Variants in PRDM15 observed in about 807,000 individuals in gnomAD.
PRDM15 encodes PR domain zinc finger protein 15.
Under a neutral mutation model 128.6 loss-of-function variants are expected in PRDM15, and 64 were observed. That is an observed-to-expected ratio of 0.50 (90% CI 0.41 to 0.61). The LOEUF (loss-of-function observed/expected upper bound fraction) is 0.61, where lower values mean the gene tolerates loss of function less well. Ranked by LOEUF, PRDM15 falls within the 20% of genes least tolerant of loss-of-function variation. The probability of loss-of-function intolerance (pLI) is 0.00; values close to 1 mark genes in which losing one functional copy is unlikely to be tolerated. For missense variants in PRDM15, 1,242 were observed against 1,569.1 expected, an observed-to-expected ratio of 0.79 and a Z score of 3.52; for synonymous variants, 615 against 621.8, an observed-to-expected ratio of 0.99 and a Z score of 0.16.
At chr21:41,873,210 C>T (rs1385537434) in intron 1 of PRDM15, among the ~76,000 whole-genome samples, 9 of 152,186 alleles carry the variant, frequency 5.9e-5, no homozygotes, top group African/African-American at 2.2e-4. Context: ...TCCTGAGCCT[C>T]GTTGCTCCCC....
At chr21:41,861,161 G>T (rs887086638) in intron 1 of PRDM15, among the ~76,000 whole-genome samples, 1 of 152,172 alleles carries the variant, frequency 6.6e-6, no homozygotes, top group African/African-American at 2.4e-5. Flanking sequence ...AAAGCCGGTT[G>T]TCACTTTTTT....
intron 1 of PRDM15, among the ~76,000 whole-genome samples, chr21:41,876,510 C>A: frequency 6.6e-6 from 1 of 152,188 alleles, no homozygotes; most frequent in Admixed American, 6.5e-5. Flanking sequence ...CCCGCAGCTG[C>A]TGCAGACCTG....
At chr21:41,804,668 G>A (rs1443564038) in intron 21 of PRDM15, 54 bp from the exon 22 acceptor site, 4 of 1,424,358 alleles carry the variant, frequency 2.8e-6, no homozygotes, top group African/African-American at 2.9e-5. Flanking sequence ...GATGCAGGTG[G>A]GAACCCAGAA....
At chr21:41,845,715 C>T (rs1311107709) in intron 6 of PRDM15, among the ~76,000 whole-genome samples, 1 of 152,082 alleles carries the variant, frequency 6.6e-6, no homozygotes, top group Admixed American at 6.5e-5. Context: ...AAGGGGAGCC[C>T]GAGTACCACG....
At chr21:41,848,136 C>A (rs1365551910) in intron 5 of PRDM15, among the ~76,000 whole-genome samples, 1 of 152,192 alleles carries the variant, frequency 6.6e-6, no homozygotes, top group Non-Finnish European at 1.5e-5. Flanking sequence ...ACGGCAAACT[C>A]CAGGGGCCAC....
At chr21:41,876,916 G>A (rs2064438700) in intron 1 of PRDM15, among the ~76,000 whole-genome samples, 1 of 152,088 alleles carries the variant, frequency 6.6e-6, no homozygotes, top group South Asian at 2.1e-4. Flanking sequence ...CCCACACACA[G>A]CCAAAAGATG....
chr21:41,866,828 G>T (rs1466658018), intron 1 of PRDM15, among the ~76,000 whole-genome samples: 1 of 152,156 alleles, frequency 6.6e-6, no homozygotes, highest in Non-Finnish European at 1.5e-5. Context: ...CTGCACAGGG[G>T]AAGCCAGAGA....
intron 4 of PRDM15, among the ~76,000 whole-genome samples, chr21:41,856,351 T>G (rs1009516064): frequency 1.3e-5 from 2 of 148,588 alleles, no homozygotes; most frequent in African/African-American, 2.5e-5. Flanking sequence ...CCCCCCTTTT[T>G]GCTGAAATCT....
intron 6 of PRDM15, among the ~76,000 whole-genome samples, chr21:41,846,835 C>T (rs979339013): frequency 1.1e-4 from 17 of 152,196 alleles, no homozygotes; most frequent in Admixed American, 9.2e-4. Flanking sequence ...AGAGTCAAGG[C>T]GCCCAGCTGA....
chr21:41,820,774 T>C (rs2062231334), intron 16 of PRDM15, among the ~76,000 whole-genome samples: 1 of 152,220 alleles, frequency 6.6e-6, no homozygotes, highest in South Asian at 2.1e-4. Flanking sequence ...ATCTAATTGT[T>C]GCAGGAAAAA....
At chr21:41,808,294 A>G (rs1447027052) in intron 21 of PRDM15, among the ~76,000 whole-genome samples, 2 of 152,164 alleles carry the variant, frequency 1.3e-5, no homozygotes, top group African/African-American at 4.8e-5. Context: ...CCACTACATG[A>G]GAAGGGAGGC....
chr21:41,801,102 C>G lies in PRDM15; in HGVS notation c.*138G>C. 3 of 1,253,516 alleles carry G rather than the reference C, an allele frequency of 2.4e-6. No homozygotes were observed. Among genetic ancestry groups the G allele is most frequent in the South Asian group, 1.6e-5 (1 of 62,998 alleles). The allele number at this position is 1,253,516 out of a possible 1,614,324, so 77.6% of individuals were successfully genotyped here. A position where few individuals can be genotyped will look rare whatever the true frequency, so the allele number is the denominator to read the frequency against. Reference sequence around the variant, plus strand: ...ACCGTAATGGTTGCTGGCGGGGGATCTGGAGATACTCTGCAAAGCTAAGTC... The same window carrying G: ...ACCGTAATGGTTGCTGGCGGGGGATGTGGAGATACTCTGCAAAGCTAAGTC... On this transcript the variant is annotated 3_prime_UTR_variant, in exon 24 of 24. Transcript: ENST00000398548.
intron 21 of PRDM15, among the ~76,000 whole-genome samples, chr21:41,807,274 G>A (rs1327660580): frequency 1.3e-5 from 2 of 152,336 alleles, no homozygotes; most frequent in Non-Finnish European, 2.9e-5. Context: ...ATAGCTTGGA[G>A]TCATAAAATA....
chr21:41,851,152 C>T (rs1404559012), intron 5 of PRDM15, among the ~76,000 whole-genome samples: 1 of 152,142 alleles, frequency 6.6e-6, no homozygotes, highest in Non-Finnish European at 1.5e-5. Context: ...TTTTCTCCCA[C>T]CATGCAGCAG....
At chr21:41,830,525 CCA>C (rs2062651009) in intron 11 of PRDM15, among the ~76,000 whole-genome samples, 2 of 151,376 alleles carry the variant, frequency 1.3e-5, no homozygotes, top group East Asian at 1.9e-4. Context: ...CAAATACACA[CCA>C]CACACGAATA....
In PRDM15 at chr21:41,879,322, C is replaced by T; in HGVS notation, c.-62G>A. The stretch of plus-strand genomic sequence containing the variant: ...CGGATCCGGACTCCGGGTTGCGATC[C>T]GCTCCGGAAACTGCGCAGCACCGGA... On this transcript the variant is annotated 5_prime_UTR_variant, in exon 1 of 24. Coordinates refer to ENST00000398548, the MANE Select transcript of PRDM15 (RefSeq NM_001040424.3). The surrounding 1 kb of genome is among the most constrained non-coding windows in gnomAD (Gnocchi z 5.1). 1 of 1,096,240 alleles carries T rather than the reference C, an allele frequency of 9.1e-7. No individual in the cohort carries two copies. The allele number at this position is 1,096,240 out of a possible 1,614,324, so 67.9% of individuals were successfully genotyped here.
chr21:41,805,251 G>C (rs535827145), intron 21 of PRDM15, among the ~76,000 whole-genome samples: 4 of 152,318 alleles, frequency 2.6e-5, no homozygotes, highest in African/African-American at 9.6e-5. Flanking sequence ...GTTTGTTCCT[G>C]TGATGACCTA....
At chr21:41,820,930 C>G in intron 16 of PRDM15, 137 bp downstream of exon 16, 1 of 1,139,166 alleles carries the variant, frequency 8.8e-7, no homozygotes, top group Non-Finnish European at 1.3e-6. Flanking sequence ...CCTGCTGCGC[C>G]CCCAGCTCTG....
chr21:41,878,767 C>G, intron 1 of PRDM15: 1 of 1,481,062 alleles, frequency 6.8e-7, no homozygotes, highest in Non-Finnish European at 9.0e-7. Flanking sequence ...GGGCTGTACC[C>G]GAGGGCGGGG....
Sources: gnomAD v4.1 joint callset for allele counts (sites outside exome capture counted in the v4.1 genomes callset) on GRCh38, gnomAD v4.1.1 for gene constraint, Gnocchi (gnomAD v3.1) non-coding constraint, MANE v1.5 for transcripts, NCBI Gene and HGNC (gene_info 2026-07-23, HGNC 2026-07-21) for gene names.